ACMSD: variants seen among roughly 807,000 people sequenced by gnomAD.
ACMSD encodes the protein aminocarboxymuconate semialdehyde decarboxylase.
In ACMSD, 37 loss-of-function variants were observed where a neutral mutation model predicts 45.9. The ratio of observed to expected loss-of-function variants is 0.81; its 90% CI spans 0.62 to 1.06. ACMSD has a LOEUF of 1.06. ACMSD is among the 50% of genes least tolerant of loss of function. The probability of loss-of-function intolerance (pLI) is 0.00; values close to 1 mark genes in which losing one functional copy is unlikely to be tolerated. For synonymous variants in ACMSD, 138 were observed against 148.8 expected (o/e 0.93, Z 0.53); for missense variants, 434 against 420.9 (o/e 1.03, Z -0.27).
chr2:134,880,369 C>T lies in ACMSD; in HGVS notation c.849+7728C>T, dbSNP rs1444318202. ...TAGTCATTTGGTGGATCCTTTCATT[C>T]TGTAAATTTTCTTAAATTATGTGTT... On this transcript the variant is annotated intron_variant, in intron 8 of 9. Transcript: ENST00000356140. Among the ~76,000 whole-genome samples, 4 of 152,182 alleles carry T rather than the reference C, an allele frequency of 2.6e-5. No homozygotes were observed. In the East Asian group the frequency reaches 7.7e-4, roughly 29 times the overall value.
intron 3 of ACMSD, among the ~76,000 whole-genome samples, chr2:134,861,146 A>G (rs1002036854): frequency 2.6e-5 from 4 of 152,138 alleles, no homozygotes; most frequent in African/African-American, 4.8e-5. Context: ...CTCTGTTCTA[A>G]AAGTATATTG....
intron 4 of ACMSD, among the ~76,000 whole-genome samples, chr2:134,862,424 C>G (rs749130671): frequency 6.6e-6 from 1 of 152,112 alleles, no homozygotes; most frequent in Non-Finnish European, 1.5e-5. Context: ...AAGGGAAAAA[C>G]ACAATTCAGA....
intron 9 of ACMSD, among the ~76,000 whole-genome samples, chr2:134,898,648 T>C (rs1024158674): frequency 6.6e-6 from 1 of 152,074 alleles, no homozygotes; most frequent in African/African-American, 2.4e-5. Context: ...ACAACTAAAT[T>C]CATAAACCCA....
chr2:134,884,725 T>C (rs572027666), intron 8 of ACMSD, among the ~76,000 whole-genome samples: 1 of 152,282 alleles, frequency 6.6e-6, no homozygotes, highest in South Asian at 2.1e-4. Flanking sequence ...TACAGAAATC[T>C]AAAAATAAGA....
chr2:134,878,403 T>G (rs1573685565), intron 8 of ACMSD, among the ~76,000 whole-genome samples: 1 of 152,298 alleles, frequency 6.6e-6, no homozygotes, highest in East Asian at 1.9e-4. Context: ...CTCAGCTCAC[T>G]GCAACCTCCA....
intron 6 of ACMSD, among the ~76,000 whole-genome samples, chr2:134,868,144 G>C (rs531411006): frequency 2.0e-4 from 31 of 152,176 alleles, no homozygotes; most frequent in African/African-American, 7.2e-4. Context: ...GAGAACCCTA[G>C]AATTAAAGGT....
intron 8 of ACMSD, among the ~76,000 whole-genome samples, chr2:134,886,246 A>ATTATTATTATTTTTTTTTTTTTTTT: frequency 7.8e-5 from 9 of 115,472 alleles, no homozygotes; most frequent in East Asian, 2.7e-4. Context: ...TATTATTATT[A>ATTATTATTATTTTTTTTTTTTTTTT]TTTTTTTTTT....
chr2:134,846,100 T>A (rs1438788596), intron 2 of ACMSD, among the ~76,000 whole-genome samples: 1 of 152,064 alleles, frequency 6.6e-6, no homozygotes, highest in Non-Finnish European at 1.5e-5. Flanking sequence ...ATGATGCCCA[T>A]CCCACATCTT....
intron 9 of ACMSD, 105 bp downstream of exon 9, chr2:134,898,544 T>A: frequency 1.7e-6 from 1 of 603,450 alleles, no homozygotes; most frequent in Admixed American, 3.8e-5. Flanking sequence ...AGAGGAACCA[T>A]TACACTGAAT....
At chr2:134,843,810 T>A (rs1686922998) in intron 1 of ACMSD, among the ~76,000 whole-genome samples, 1 of 152,164 alleles carries the variant, frequency 6.6e-6, no homozygotes, top group Admixed American at 6.5e-5. Flanking sequence ...TCCTGAACAC[T>A]AGAAGATCCT....
rs1424472656 is a variant in ACMSD, at chr2:134,901,873, C to A, written c.*13C>A. ...ACAATTTGAATGACTGAATTTACTACAAAGGCAAACTTTCAAAAGGATATC... is the reference window on the plus strand; with the variant it reads ...ACAATTTGAATGACTGAATTTACTAAAAAGGCAAACTTTCAAAAGGATATC... On this transcript the variant is annotated 3_prime_UTR_variant, in exon 10 of 10. Coordinates refer to ENST00000356140, the MANE Select transcript of ACMSD (RefSeq NM_138326.3). 6.3e-7 allele frequency: 1 copy of A among 1,580,624 alleles called. No individual in the cohort carries two copies. Among genetic ancestry groups the A allele is most frequent in the South Asian group, 1.2e-5 (1 of 86,140 alleles).
chr2:134,871,373 A>G (rs1375690153), intron 7 of ACMSD, among the ~76,000 whole-genome samples: 1 of 152,190 alleles, frequency 6.6e-6, no homozygotes, highest in Non-Finnish European at 1.5e-5. Context: ...CTCCAAGCAC[A>G]GTCACATTTG....
chr2:134,895,044 T>C (rs1248648998), intron 8 of ACMSD, among the ~76,000 whole-genome samples: 3 of 151,962 alleles, frequency 2.0e-5, no homozygotes, highest in Non-Finnish European at 2.9e-5. Context: ...ATATATACCC[T>C]GCTGTAATCC....
intron 2 of ACMSD, among the ~76,000 whole-genome samples, chr2:134,846,071 A>G (rs562766952): frequency 1.3e-5 from 2 of 152,320 alleles, no homozygotes; most frequent in South Asian, 4.1e-4. Context: ...CAAGGATCAG[A>G]GAAGGCCTTC....
chr2:134,866,732 C>G (rs551057338), intron 5 of ACMSD, among the ~76,000 whole-genome samples: 1 of 152,346 alleles, frequency 6.6e-6, no homozygotes, highest in East Asian at 1.9e-4. Context: ...TCTTTTGAAT[C>G]TTGACGAGCA....
At chr2:134,838,849 C>A in intron 1 of ACMSD, 110 bp downstream of exon 1, 2 of 730,952 alleles carry the variant, frequency 2.7e-6, no homozygotes, top group Admixed American at 2.8e-5. Context: ...TGGTGGGGGG[C>A]GAGGGGGTTA....
chr2:134,892,553 G>A (rs938968313), intron 8 of ACMSD, among the ~76,000 whole-genome samples: 3 of 152,158 alleles, frequency 2.0e-5, no homozygotes, highest in East Asian at 1.9e-4. Flanking sequence ...TGACTCCATG[G>A]AAGGCGCTAG....
intron 2 of ACMSD, among the ~76,000 whole-genome samples, chr2:134,854,127 G>C (rs1687473035): frequency 6.6e-6 from 1 of 152,150 alleles, no homozygotes; most frequent in South Asian, 2.1e-4. Flanking sequence ...TGCTTTGTTT[G>C]AAATCAAAAC....
intron 2 of ACMSD, among the ~76,000 whole-genome samples, chr2:134,858,889 T>A (rs1341130281): frequency 6.6e-6 from 1 of 150,472 alleles, no homozygotes; most frequent in Non-Finnish European, 1.5e-5. Context: ...AAAGGTTCTT[T>A]TCAATTCTAA....
Sources: allele counts gnomAD v4.1 joint callset (sites outside exome capture counted in the v4.1 genomes callset), GRCh38; gene constraint gnomAD v4.1.1; transcripts MANE v1.5; gene names NCBI Gene and HGNC (gene_info 2026-07-23, HGNC 2026-07-21).